Variants in KIAA1217 observed in about 807,000 individuals in gnomAD.
The protein encoded by KIAA1217 is sickle tail protein homolog.
In KIAA1217, 88 loss-of-function variants were observed where a neutral mutation model predicts 163.9. That is an observed-to-expected ratio of 0.54 (90% CI 0.45 to 0.64). KIAA1217 has a LOEUF of 0.64. Ranked by LOEUF, KIAA1217 falls within the 30% of genes least tolerant of loss-of-function variation. KIAA1217 has a pLI of 0.00. For synonymous variants in KIAA1217, 903 were observed against 923.1 expected (o/e 0.98, Z 0.39); for missense variants, 2,372 against 2,475.0 (o/e 0.96, Z 0.88).
At position 24,010,171 on chromosome 10, in the gene KIAA1217, T is replaced by C. The variant is rs1029354072; in HGVS notation, c.-171+2797T>C. On this transcript the variant is annotated intron_variant, in intron 2 of 18. Coordinates refer to the KIAA1217 transcript ENST00000376462. ...TTTAAGTTTCAGAAAACCTGGACTG[T>C]ATGAACGCTTTTTAAAAAAAATGAC... Among the ~76,000 whole-genome samples, 66 of 152,102 alleles carry C rather than the reference T, an allele frequency of 4.3e-4. 1 individual carries two copies. The highest frequency in any genetic ancestry group is 1.5e-3 in the African/African-American group (62 of 41,502).
chr10:24,416,629 G>T (rs1242651574), intron 3 of KIAA1217, among the ~76,000 whole-genome samples: 3 of 152,184 alleles, frequency 2.0e-5, no homozygotes, highest in Non-Finnish European at 4.4e-5. Context: ...GATGACCGAG[G>T]ATGCCAGATT....
chr10:24,434,881 T>A (rs2131862537), intron 4 of KIAA1217, among the ~76,000 whole-genome samples: 1 of 152,336 alleles, frequency 6.6e-6, no homozygotes, highest in African/African-American at 2.4e-5. Context: ...CACAGCCAGC[T>A]AAGTACCAAG....
At chr10:23,835,058 A>G (rs1338220527) in intron 1 of KIAA1217, among the ~76,000 whole-genome samples, 1 of 152,100 alleles carries the variant, frequency 6.6e-6, no homozygotes, top group African/African-American at 2.4e-5. Context: ...TAATTGGGCC[A>G]TGGGACTGAA....
intron 3 of KIAA1217, among the ~76,000 whole-genome samples, chr10:24,404,509 G>A (rs2056964891): frequency 7.1e-6 from 1 of 139,888 alleles, no homozygotes; most frequent in Non-Finnish European, 1.5e-5. Flanking sequence ...AGAGGTTGCA[G>A]TGAGCTGAGA....
chr10:23,970,502 G>A (rs1009736944), intron 1 of KIAA1217, among the ~76,000 whole-genome samples: 9 of 152,126 alleles, frequency 5.9e-5, no homozygotes, highest in Non-Finnish European at 1.3e-4. Flanking sequence ...CTTGGAAGGG[G>A]TAAATATTGG....
intron 20 of KIAA1217, chr10:24,545,390 T>C: frequency 7.5e-7 from 1 of 1,335,776 alleles, no homozygotes. Flanking sequence ...ATGTAGTGTT[T>C]CATCTGAACA....
chr10:23,893,426 T>G (rs1158590444), intron 1 of KIAA1217, among the ~76,000 whole-genome samples: 2 of 152,066 alleles, frequency 1.3e-5, no homozygotes, highest in Admixed American at 6.6e-5. Flanking sequence ...ATTTTGTTGA[T>G]GCTTTCAAAA....
intron 3 of KIAA1217, among the ~76,000 whole-genome samples, chr10:24,387,377 T>A (rs1029593743): frequency 1.3e-4 from 20 of 152,180 alleles, no homozygotes; most frequent in Non-Finnish European, 2.4e-4. Context: ...AAACTTTCAA[T>A]AAACTAGGTA....
At chr10:24,389,722 C>A (rs113108959) in intron 3 of KIAA1217, among the ~76,000 whole-genome samples, 74 of 152,192 alleles carry the variant, frequency 4.9e-4, no homozygotes, top group African/African-American at 1.7e-3. Flanking sequence ...CTGCTGCTAC[C>A]ACTGAGGCTG....
At chr10:23,711,093 A>G (rs1837224027) in intron 1 of KIAA1217, among the ~76,000 whole-genome samples, 1 of 152,204 alleles carries the variant, frequency 6.6e-6, no homozygotes, top group Non-Finnish European at 1.5e-5. Flanking sequence ...AGAAGGAGTG[A>G]GGCACCAGAT....
intron 1 of KIAA1217, among the ~76,000 whole-genome samples, chr10:23,703,810 C>G (rs1836653717): frequency 6.6e-6 from 1 of 151,906 alleles, no homozygotes; most frequent in Non-Finnish European, 1.5e-5. Flanking sequence ...TGTATAAAGG[C>G]CCAGAGAGCA....
At chr10:24,244,907 G>C (rs1195418785) in intron 2 of KIAA1217, among the ~76,000 whole-genome samples, 2 of 151,992 alleles carry the variant, frequency 1.3e-5, no homozygotes, top group African/African-American at 4.8e-5. Flanking sequence ...TTTACTTCCT[G>C]ACCACAGACT....
chr10:24,531,820 T>C lies in KIAA1217; in HGVS notation c.3083-10T>C. 2 of 1,583,036 alleles carry C rather than the reference T, an allele frequency of 1.3e-6. No individual in the cohort carries two copies. The highest frequency in any genetic ancestry group is 8.6e-7 in the Non-Finnish European group (1 of 1,161,642). On this transcript the variant is annotated splice_polypyrimidine_tract_variant and intron_variant, in intron 14 of 20. Coordinates refer to ENST00000376454, the MANE Select transcript of KIAA1217 (RefSeq NM_019590.5). ...AAAGATTATTCTTGTAATGGTGCACTGTTTTCCAGAAGATTCTCCAAATTC... is the reference window on the plus strand; with the variant it reads ...AAAGATTATTCTTGTAATGGTGCACCGTTTTCCAGAAGATTCTCCAAATTC...
At chr10:23,815,371 G>T (rs949295746) in intron 1 of KIAA1217, among the ~76,000 whole-genome samples, 1 of 152,182 alleles carries the variant, frequency 6.6e-6, no homozygotes, top group Non-Finnish European at 1.5e-5. Context: ...TAGGCTGGGC[G>T]CGGTGGCTCA....
chr10:24,015,228 C>A (rs1016450282), intron 2 of KIAA1217, among the ~76,000 whole-genome samples: 19 of 152,068 alleles, frequency 1.2e-4, no homozygotes, highest in African/African-American at 3.9e-4. Flanking sequence ...AGTCTACATG[C>A]CTATCTGTTC....
intron 1 of KIAA1217, among the ~76,000 whole-genome samples, chr10:23,973,800 T>C (rs1354489527): frequency 1.3e-5 from 2 of 151,464 alleles, no homozygotes; most frequent in African/African-American, 4.9e-5. Context: ...TTTTTTCCTA[T>C]AGGACCACTT....
chr10:24,255,351 ACTG>A, intron 2 of KIAA1217: 4 of 138,548 alleles, frequency 2.9e-5, no homozygotes, highest in South Asian at 1.6e-4. Context: ...TGAGCGGCTG[ACTG>A]TCAGGGGTGC....
intron 17 of KIAA1217, among the ~76,000 whole-genome samples, chr10:24,539,989 T>C (rs11014145): frequency 0.24 from 35,905 of 152,130 alleles, 5,559 homozygotes; most frequent in Non-Finnish European, 0.35. Context: ...TAAAGAGGCA[T>C]AATTACCTTT....
intron 4 of KIAA1217, among the ~76,000 whole-genome samples, chr10:24,435,198 T>C (rs913743534): frequency 1.3e-5 from 2 of 152,258 alleles, no homozygotes; most frequent in African/African-American, 4.8e-5. Context: ...CCTCAAGGTA[T>C]AGATACTACA....
Sources: gnomAD v4.1 joint callset for allele counts (sites outside exome capture counted in the v4.1 genomes callset) on GRCh38, gnomAD v4.1.1 for gene constraint, MANE v1.5 for transcripts, NCBI Gene and HGNC (gene_info 2026-07-23, HGNC 2026-07-21) for gene names.